Variants in TMEM268 observed in about 807,000 individuals in gnomAD.
The protein encoded by TMEM268 is transmembrane protein C9orf91.
A neutral mutation model predicts 39.1 loss-of-function variants in TMEM268; 24 were observed. That is an observed-to-expected ratio of 0.61 (90% CI 0.44 to 0.86). The LOEUF (loss-of-function observed/expected upper bound fraction) is 0.86, where lower values mean the gene tolerates loss of function less well. Ranked by LOEUF, TMEM268 falls within the 40% of genes least tolerant of loss-of-function variation. The pLI is 0.00. For synonymous variants in TMEM268, 176 were observed against 173.5 expected (o/e 1.01, Z -0.12); for missense variants, 409 against 428.6 (o/e 0.95, Z 0.40).
chr9:114,613,317 C>G (rs1439883459), intron 1 of TMEM268, among the ~76,000 whole-genome samples: 1 of 152,230 alleles, frequency 6.6e-6, no homozygotes, highest in Non-Finnish European at 1.5e-5. Flanking sequence ...GTCTGAAAGG[C>G]TACCTGTGCA....
intron 4 of TMEM268, among the ~76,000 whole-genome samples, chr9:114,627,386 CATAT>C (rs1564291789): frequency 6.6e-6 from 1 of 151,990 alleles, no homozygotes; most frequent in Non-Finnish European, 1.5e-5. Context: ...TATACATGTA[CATAT>C]ATATGTGTGT....
At chr9:114,614,177 C>T (rs187825721) in intron 1 of TMEM268, among the ~76,000 whole-genome samples, 10 of 152,288 alleles carry the variant, frequency 6.6e-5, no homozygotes, top group African/African-American at 2.4e-4. Context: ...AATTTAAGTC[C>T]AGGTTTTCTG....
At chr9:114,621,869 T>C (rs1435594629) in intron 2 of TMEM268, among the ~76,000 whole-genome samples, 2 of 152,304 alleles carry the variant, frequency 1.3e-5, no homozygotes, top group East Asian at 3.9e-4. Context: ...TCCTAAGGGC[T>C]GGAAGAACGT....
At chr9:114,617,664 G>T (rs142604301) in intron 2 of TMEM268, among the ~76,000 whole-genome samples, 1 of 152,248 alleles carries the variant, frequency 6.6e-6, no homozygotes, top group African/African-American at 2.4e-5. Context: ...TGGAACTCCT[G>T]GGCTCAAGTA....
At chr9:114,635,297 T>C (rs1846584369) in intron 6 of TMEM268, among the ~76,000 whole-genome samples, 1 of 149,446 alleles carries the variant, frequency 6.7e-6, no homozygotes, top group South Asian at 2.1e-4. Flanking sequence ...GAGCTGAGAT[T>C]GTGCCATTGC....
Position 114,623,747 on chromosome 9 carries a change from G to A in TMEM268, c.107-603G>A, listed in dbSNP as rs142815216. Among the ~76,000 whole-genome samples, 86 of 152,282 alleles carry A rather than the reference G, an allele frequency of 5.6e-4. 1 individual carries two copies. The East Asian group carries it at 8.5e-3, about 15-fold the overall frequency. On this transcript the variant is annotated intron_variant, in intron 2 of 8. Coordinates refer to ENST00000288502, the MANE Select transcript of TMEM268 (RefSeq NM_153045.4). Reference sequence around the variant, plus strand: ...CCTTGTGATTTCATGGGGCCCACCCGGATGATTCAGGATAGTCTCCCTATT... The same window carrying A: ...CCTTGTGATTTCATGGGGCCCACCCAGATGATTCAGGATAGTCTCCCTATT...
chr9:114,630,500 G>A (rs979623868), intron 5 of TMEM268, among the ~76,000 whole-genome samples: 5 of 152,104 alleles, frequency 3.3e-5, no homozygotes, highest in African/African-American at 1.2e-4. Flanking sequence ...TGTATGCTTG[G>A]GGCTTCACGT....
chr9:114,638,807 AT>A, intron 8 of TMEM268, 81 bp downstream of exon 8: 1 of 1,089,560 alleles, frequency 9.2e-7, no homozygotes. Flanking sequence ...GGCTTCTTAG[AT>A]TCCCCAAGAC....
rs748379717 is a variant in TMEM268, at chr9:114,617,300, A to C, written c.105A>C (p.Gln35His). ...GAGGGAGCCCTCCTGGCTGGGGGCA[A>C]GGTAAGATCATGACCTTTCATTTTC... ...LPGGSPPGWG[Q>H]ELHNGQVLTV... Residue 35 changes from glutamine to histidine, a missense_variant and splice_region_variant, in exon 2 of 9, where the codon CAA becomes CAC. Transcript: ENST00000288502. The C allele has an allele frequency of 6.2e-7, 1 of 1,608,970 alleles. No individual in the cohort carries two copies. Among genetic ancestry groups the C allele is most frequent in the African/African-American group, 1.3e-5 (1 of 74,746 alleles).
intron 8 of TMEM268, among the ~76,000 whole-genome samples, chr9:114,642,202 C>T (rs1316662641): frequency 1.3e-5 from 2 of 152,134 alleles, no homozygotes; most frequent in Admixed American, 6.6e-5. Flanking sequence ...CTCCTTCCTC[C>T]CCACCCTCAA....
intron 2 of TMEM268, among the ~76,000 whole-genome samples, chr9:114,620,952 A>G (rs977891353): frequency 6.6e-6 from 1 of 152,158 alleles, no homozygotes; most frequent in African/African-American, 2.4e-5. Flanking sequence ...AGAGAGAAAA[A>G]AAGCAAAATA....
At chr9:114,608,258 T>C (rs4978600), upstream of TMEM268, among the ~76,000 whole-genome samples, 136,618 of 152,316 alleles carry the variant, frequency 0.9, 61,313 homozygotes, top group East Asian at 1. Flanking sequence ...CTTCTAAGCA[T>C]TTCATCACTT....
rs191348051 is a variant in TMEM268 at position 114,636,962 on chromosome 9, C to T, written c.586-28C>T. The T allele has an allele frequency of 1.8e-4, 280 of 1,552,404 alleles. No homozygotes were observed. The East Asian group carries it at 4.7e-3, about 26-fold the overall frequency. On this transcript the variant is annotated intron_variant, in intron 6 of 8. Transcript: ENST00000288502. Reference sequence around the variant, plus strand: ...TCAGGGTTGGGCTGCCCTTGAGCCACGGTGGTCACTGCTGCTTCTCCCCAC... The same window carrying T: ...TCAGGGTTGGGCTGCCCTTGAGCCATGGTGGTCACTGCTGCTTCTCCCCAC...
In TMEM268 at chr9:114,638,603, T is replaced by C. The variant is rs1399695351; in HGVS notation, c.726T>C (p.Pro242=). ...TTGTCATGGAGACTGGGGTGAGCCC[T>C]GCAACAGCGGAGGGGCCTGAGAACT... ...LCVVMETGVS[P]ATAEGPENLE... Residue 242 remains proline, a synonymous_variant, in exon 8 of 9, where the codon CCT becomes CCC. Transcript: ENST00000288502. 3.7e-6 allele frequency: 6 copies of C among 1,609,020 alleles called. No individual in the cohort carries two copies. The African/African-American group carries it at 4.0e-5, about 11-fold the overall frequency.
intron 6 of TMEM268, among the ~76,000 whole-genome samples, chr9:114,634,580 T>C (rs1283765126): frequency 6.6e-6 from 1 of 152,206 alleles, no homozygotes; most frequent in Non-Finnish European, 1.5e-5. Context: ...CCTCCATCCA[T>C]GCCTGATCTG....
At chr9:114,610,856 C>G (rs142641906), upstream of TMEM268, among the ~76,000 whole-genome samples, 13 of 152,320 alleles carry the variant, frequency 8.5e-5, no homozygotes, top group African/African-American at 2.2e-4. Context: ...AGTGGAGAGA[C>G]CCGAATCACA....
At chr9:114,635,106 T>C (rs1846573743) in intron 6 of TMEM268, among the ~76,000 whole-genome samples, 1 of 152,088 alleles carries the variant, frequency 6.6e-6, no homozygotes, top group South Asian at 2.1e-4. Flanking sequence ...TTTGGGAGGC[T>C]GAGGCGGATG....
intron 5 of TMEM268, among the ~76,000 whole-genome samples, chr9:114,629,459 C>G (rs754893857): frequency 1.3e-5 from 2 of 152,232 alleles, no homozygotes; most frequent in Non-Finnish European, 2.9e-5. Flanking sequence ...CCTCCCTCTT[C>G]TACTTTTAAG....
intron 1 of TMEM268, chr9:114,615,447 T>C (rs1290828868): frequency 6.6e-6 from 1 of 152,422 alleles, no homozygotes; most frequent in Non-Finnish European, 1.5e-5. Context: ...CTTAAAAACA[T>C]TTCTTTTTTG....
Sources: gnomAD v4.1 joint callset for allele counts (sites outside exome capture counted in the v4.1 genomes callset) on GRCh38, gnomAD v4.1.1 for gene constraint, MANE v1.5 for transcripts, NCBI Gene and HGNC (gene_info 2026-07-23, HGNC 2026-07-21) for gene names.